Variants in KREMEN1 observed in about 807,000 individuals in gnomAD.
KREMEN1 encodes the protein kremen protein 1.
In KREMEN1, 30 loss-of-function variants were observed where a neutral mutation model predicts 46.5. That is an observed-to-expected ratio of 0.65 (90% confidence interval 0.48 to 0.88). KREMEN1 has a LOEUF of 0.88. Among genes scored for constraint, KREMEN1 ranks in the 40% least tolerant of loss-of-function variants. The pLI, the probability that KREMEN1 is intolerant of heterozygous loss-of-function variation, is 0.00. For missense variants in KREMEN1, 533 were observed against 596.9 expected, an observed-to-expected ratio of 0.89 and a Z score of 1.11; for synonymous variants, 214 against 230.6, an observed-to-expected ratio of 0.93 and a Z score of 0.65.
At chr22:29,118,741 T>A (rs2038283803) in intron 3 of KREMEN1, among the ~76,000 whole-genome samples, 1 of 152,108 alleles carries the variant, frequency 6.6e-6, no homozygotes, top group South Asian at 2.1e-4. Flanking sequence ...TATATTAATT[T>A]TAGGGAGTAA....
At chr22:29,130,310 G>A (rs1166225272) in intron 5 of KREMEN1, among the ~76,000 whole-genome samples, 2 of 152,182 alleles carry the variant, frequency 1.3e-5, no homozygotes, top group East Asian at 1.9e-4. Flanking sequence ...TTGGTCTAAG[G>A]ATGGGTAGGA....
At chr22:29,131,865 C>CTTTTTT (rs71196633) in intron 5 of KREMEN1, among the ~76,000 whole-genome samples, 8 of 45,856 alleles carry the variant, frequency 1.7e-4, no homozygotes, top group East Asian at 1.2e-3. Context: ...TAGAATAATG[C>CTTTTTT]TTTTTTTTTT....
At chr22:29,154,384 C>G (rs1457220539) in intron 9 of KREMEN1, 1 of 152,246 alleles carries the variant, frequency 6.6e-6, no homozygotes, top group Non-Finnish European at 1.5e-5. Flanking sequence ...GACTCCCTGC[C>G]TGCAGTGGAT....
At chr22:29,111,150 C>A (rs1341830034) in intron 3 of KREMEN1, among the ~76,000 whole-genome samples, 2 of 151,290 alleles carry the variant, frequency 1.3e-5, no homozygotes, top group Non-Finnish European at 2.9e-5. Flanking sequence ...CTACAAGATA[C>A]ACAAATAATT....
At chr22:29,128,612 T>A (rs2038483038) in intron 5 of KREMEN1, among the ~76,000 whole-genome samples, 1 of 152,134 alleles carries the variant, frequency 6.6e-6, no homozygotes, top group Admixed American at 6.5e-5. Flanking sequence ...TAGGAAAGAG[T>A]ACTGGCCCTC....
chr22:29,103,811 A>G (rs1049405055), intron 3 of KREMEN1, among the ~76,000 whole-genome samples: 1 of 152,244 alleles, frequency 6.6e-6, no homozygotes. Flanking sequence ...TTTATTAGCT[A>G]CAATAATGGC....
intron 3 of KREMEN1, among the ~76,000 whole-genome samples, chr22:29,101,246 T>C (rs1243439940): frequency 1.8e-5 from 2 of 108,472 alleles, no homozygotes; most frequent in Non-Finnish European, 3.5e-5. Flanking sequence ...AACAAGAGTC[T>C]GTCTCCAAAA....
At chr22:29,138,507 A>G (rs2038704997) in intron 6 of KREMEN1, 117 bp from the exon 7 acceptor site, 1 of 1,069,108 alleles carries the variant, frequency 9.4e-7, no homozygotes, top group Admixed American at 1.8e-5. Flanking sequence ...TATGGAAGGA[A>G]TTGCACCCAG....
Position 29,124,466 on chromosome 22 carries a change from C to T in KREMEN1, c.478-797C>T, listed in dbSNP as rs980805554. 1.5e-4 allele frequency among the ~76,000 whole-genome samples: 22 copies of T among 150,224 alleles called. 1 individual carries two copies. Among genetic ancestry groups the T allele is most frequent in the Non-Finnish European group, 4.4e-5 (3 of 67,780 alleles). ...TGGGGTAATGGAGCTGTTCTGAATC[C>T]TGATTGTACTGGTGGTTGCACAAAT... On this transcript the variant is annotated intron_variant, in intron 4 of 8. Coordinates refer to ENST00000400335, the MANE Select transcript of KREMEN1 (RefSeq NM_001039570.3).
At chr22:29,163,146 G>A (rs2039026113) in intron 9 of KREMEN1, among the ~76,000 whole-genome samples, 1 of 151,984 alleles carries the variant, frequency 6.6e-6, no homozygotes, top group Non-Finnish European at 1.5e-5. Context: ...CCACCGCCCC[G>A]CCGTTCTCGT....
chr22:29,148,375 G>A (rs951177831), downstream of KREMEN1, among the ~76,000 whole-genome samples: 1 of 152,152 alleles, frequency 6.6e-6, no homozygotes, highest in African/African-American at 2.4e-5. Context: ...GGAGTGCCTG[G>A]CAGGACCAAG....
chr22:29,078,330 C>T (rs151138482), intron 1 of KREMEN1, among the ~76,000 whole-genome samples: 41 of 152,236 alleles, frequency 2.7e-4, no homozygotes, highest in African/African-American at 9.6e-4. Context: ...GTTCAGTGTA[C>T]ACTACATAAA....
intron 6 of KREMEN1, 107 bp downstream of exon 6, chr22:29,137,781 A>G: frequency 7.1e-6 from 6 of 842,108 alleles, no homozygotes; most frequent in Non-Finnish European, 1.0e-5. Flanking sequence ...ATTGGGCCTC[A>G]GGAACTACTG....
At position 29,139,243 on chromosome 22, in the gene KREMEN1, G is replaced by A. The variant is rs142184716; in HGVS notation, c.1123+461G>A. On this transcript the variant is annotated intron_variant, in intron 7 of 8. Coordinates refer to ENST00000400335, the MANE Select transcript of KREMEN1 (RefSeq NM_001039570.3). ...AACACAACCCCTGCCCTTCTGTGGC[G>A]TATAAATGAGAGGAGAAAGATAGAA... Among the ~76,000 whole-genome samples the A allele has an allele frequency of 9.9e-4, 151 of 152,270 alleles. 1 individual carries two copies. The East Asian group carries it at 0.017, about 17-fold the overall frequency.
At chr22:29,149,480 G>T (rs1601819563), downstream of KREMEN1, among the ~76,000 whole-genome samples, 1 of 152,008 alleles carries the variant, frequency 6.6e-6, no homozygotes. Context: ...CCCTTTAAAG[G>T]TCAGCTTCAC....
At chr22:29,157,216 C>T (rs142011903) in intron 9 of KREMEN1, among the ~76,000 whole-genome samples, 1 of 152,342 alleles carries the variant, frequency 6.6e-6, no homozygotes, top group African/African-American at 2.4e-5. Context: ...TAGCCAGAGA[C>T]AGCTGAGAGC....
chr22:29,088,137 G>A (rs946428476), intron 1 of KREMEN1, among the ~76,000 whole-genome samples: 1 of 152,092 alleles, frequency 6.6e-6, no homozygotes, highest in Middle Eastern at 3.4e-3. Context: ...TCCATTGAAC[G>A]CTAGGATTCA....
chr22:29,150,404 G>A (rs1482031219), downstream of KREMEN1, among the ~76,000 whole-genome samples: 2 of 152,238 alleles, frequency 1.3e-5, no homozygotes, highest in African/African-American at 4.8e-5. Flanking sequence ...AAGCGTTTTA[G>A]GGGGAAAGTA....
chr22:29,142,227 C>G lies in KREMEN1; in HGVS notation c.*115C>G. The stretch of plus-strand genomic sequence containing the variant: ...TTCCCCTCCTCTCCCTCTGCCTCGG[C>G]CTCTTCGGGGAAACCCTCCTCCTAC... On this transcript the variant is annotated 3_prime_UTR_variant, in exon 9 of 9. Transcript: ENST00000400335. The G allele has an allele frequency of 2.1e-6, 3 of 1,398,356 alleles. No individual in the cohort carries two copies. Among genetic ancestry groups the G allele is most frequent in the Non-Finnish European group, 2.8e-6 (3 of 1,079,112 alleles). The allele number at this position is 1,398,356 out of a possible 1,614,324, so 86.6% of individuals were successfully genotyped here.
Sources: gnomAD v4.1 joint callset for allele counts (sites outside exome capture counted in the v4.1 genomes callset) on GRCh38, gnomAD v4.1.1 for gene constraint, MANE v1.5 for transcripts, NCBI Gene and HGNC (gene_info 2026-07-23, HGNC 2026-07-21) for gene names.